Variants in SAMD5 observed in about 807,000 individuals in gnomAD.
SAMD5 encodes sterile alpha motif domain-containing protein 5.
SAMD5 carries 13 observed loss-of-function variants against 11.3 expected under a neutral mutation model. The observed-to-expected ratio is 1.15, with a 90% CI of 0.75 to 1.83. The LOEUF is 1.83. Ranked by LOEUF, SAMD5 falls within the 40% of genes most tolerant of loss-of-function variation. The probability of loss-of-function intolerance (pLI) is 0.00; values close to 1 mark genes in which losing one functional copy is unlikely to be tolerated. For missense variants in SAMD5, 255 were observed against 239.1 expected, an observed-to-expected ratio of 1.07 and a Z score of -0.44; for synonymous variants, 129 against 111.3, an observed-to-expected ratio of 1.16 and a Z score of -1.00.
chr6:147,741,109 G>C (rs541644114), downstream of SAMD5, among the ~76,000 whole-genome samples: 1 of 152,256 alleles, frequency 6.6e-6, no homozygotes, highest in Non-Finnish European at 1.5e-5. Context: ...GTTAATCATG[G>C]GTTGGGTCAA....
At chr6:147,806,306 GC>G in the SAMD5 span, among the ~76,000 whole-genome samples, 83 of 31,938 alleles carry the variant, frequency 2.6e-3, no homozygotes, top group Middle Eastern at 0.025. Context: ...GTGCGCATGC[GC>G]GCGCGCGCGC....
chr6:147,890,206 A>G, the SAMD5 span, among the ~76,000 whole-genome samples: 3 of 152,210 alleles, frequency 2.0e-5, no homozygotes, highest in Non-Finnish European at 4.4e-5. Flanking sequence ...TTAAAAATAA[A>G]CAAAACATAA....
downstream of SAMD5, among the ~76,000 whole-genome samples, chr6:147,573,642 T>C (rs1250160289): frequency 6.6e-6 from 1 of 152,172 alleles, no homozygotes; most frequent in Non-Finnish European, 1.5e-5. Flanking sequence ...AGGTTACTAA[T>C]AGCCCCATCA....
chr6:147,571,327 C>A (rs547883894), downstream of SAMD5, among the ~76,000 whole-genome samples: 6 of 152,250 alleles, frequency 3.9e-5, no homozygotes, highest in South Asian at 1.2e-3. Flanking sequence ...AATCACATCA[C>A]GTAAGTCAGC....
At chr6:147,801,102 T>C in the SAMD5 span, among the ~76,000 whole-genome samples, 1 of 152,204 alleles carries the variant, frequency 6.6e-6, no homozygotes, top group Non-Finnish European at 1.5e-5. Flanking sequence ...ACGGTGCTCC[T>C]TTAGATAACA....
At chr6:147,715,695 TG>T (rs1171492666) in intron 1 of SAMD5, among the ~76,000 whole-genome samples, 1 of 152,122 alleles carries the variant, frequency 6.6e-6, no homozygotes, top group Non-Finnish European at 1.5e-5. Flanking sequence ...ATGAAGTATG[TG>T]GATAAGTGGA....
chr6:147,781,771 C>T, the SAMD5 span, among the ~76,000 whole-genome samples: 48 of 64,148 alleles, frequency 7.5e-4, no homozygotes, highest in Admixed American at 5.3e-3. Flanking sequence ...AATTTGTGTG[C>T]GCACACACAC....
At chr6:147,781,251 A>G in the SAMD5 span, among the ~76,000 whole-genome samples, 1 of 150,712 alleles carries the variant, frequency 6.6e-6, no homozygotes, top group Non-Finnish European at 1.5e-5. Flanking sequence ...CACCTCTCAG[A>G]CTCAAGTGAT....
chr6:147,900,930 A>G, the SAMD5 span, among the ~76,000 whole-genome samples: 1 of 152,200 alleles, frequency 6.6e-6, no homozygotes, highest in Non-Finnish European at 1.5e-5. Flanking sequence ...ATCACAAAAA[A>G]ATTTATTTGA....
At chr6:147,721,950 T>A (rs887441624) in intron 1 of SAMD5, among the ~76,000 whole-genome samples, 6 of 152,232 alleles carry the variant, frequency 3.9e-5, no homozygotes, top group Non-Finnish European at 7.3e-5. Context: ...AAACTAATTA[T>A]GATTAATGAG....
the SAMD5 span, among the ~76,000 whole-genome samples, chr6:147,781,353 C>T: frequency 6.0e-4 from 91 of 152,154 alleles, 1 homozygote; most frequent in South Asian, 0.018. Context: ...GACAGGGTCT[C>T]ACTATATGTT....
At chr6:147,884,341 G>A in the SAMD5 span, among the ~76,000 whole-genome samples, 2 of 152,190 alleles carry the variant, frequency 1.3e-5, no homozygotes, top group South Asian at 2.1e-4. Context: ...TTGGTGGACA[G>A]GTAGAGAGCT....
rs1554237113 is a variant in SAMD5, at chr6:147,616,299, T to TTTA, written c.162+106914_162+106915insATT. 7.2e-4 allele frequency among the ~76,000 whole-genome samples: 104 copies of TTTA among 144,342 alleles called. 7 individuals are homozygous for TTTA. Among genetic ancestry groups the TTTA allele is most frequent in the African/African-American group, 2.7e-3 (101 of 37,326 alleles). The allele number at this position is 144,342 out of a possible 152,430, so 94.7% of individuals were successfully genotyped here. A position where few individuals can be genotyped will look rare whatever the true frequency, so the allele number is the denominator to read the frequency against. On this transcript the variant is annotated intron_variant, in intron 1 of 1. Coordinates refer to the SAMD5 transcript ENST00000566741. ...TTTATTCATATATACTTCATATATA[T>TTTA]TTCATATATATTTATTCATATATAC...
the SAMD5 span, among the ~76,000 whole-genome samples, chr6:147,797,766 G>A: frequency 1.4e-5 from 2 of 145,572 alleles, no homozygotes; most frequent in African/African-American, 5.3e-5. Context: ...GGTCTATTCA[G>A]AGATTCAACT....
At chr6:147,896,092 T>C in the SAMD5 span, among the ~76,000 whole-genome samples, 5 of 152,250 alleles carry the variant, frequency 3.3e-5, no homozygotes, top group Non-Finnish European at 5.9e-5. Context: ...ATTATTCTCC[T>C]GGTAGTCCTG....
chr6:147,886,626 A>C, the SAMD5 span, among the ~76,000 whole-genome samples: 1 of 152,150 alleles, frequency 6.6e-6, no homozygotes, highest in Non-Finnish European at 1.5e-5. Context: ...TCTTACTAGC[A>C]GACTTAATCT....
intron 1 of SAMD5, among the ~76,000 whole-genome samples, chr6:147,716,916 G>A (rs555450969): frequency 1.3e-4 from 20 of 152,262 alleles, no homozygotes; most frequent in African/African-American, 1.7e-4. Context: ...ATGTCTCTTC[G>A]TACAGCTGAA....
intron 1 of SAMD5, among the ~76,000 whole-genome samples, chr6:147,666,677 C>A (rs1790726750): frequency 6.6e-6 from 1 of 152,102 alleles, no homozygotes; most frequent in Non-Finnish European, 1.5e-5. Context: ...ACAAAGCTTT[C>A]GTATTTGATT....
chr6:147,517,357 G>A (rs1002633129), intron 1 of SAMD5, among the ~76,000 whole-genome samples: 10 of 152,142 alleles, frequency 6.6e-5, no homozygotes, highest in African/African-American at 2.4e-4. Flanking sequence ...TGAACAGCCT[G>A]GCTTATGTAA....
Sources: gnomAD v4.1 joint callset for allele counts (sites outside exome capture counted in the v4.1 genomes callset) on GRCh38, gnomAD v4.1.1 for gene constraint, MANE v1.5 for transcripts, NCBI Gene and HGNC (gene_info 2026-07-23, HGNC 2026-07-21) for gene names.